Variants in CCDC170 observed in about 807,000 individuals in gnomAD.
CCDC170 encodes coiled-coil domain-containing protein 170.
A neutral mutation model predicts 72.6 loss-of-function variants in CCDC170; 69 were observed. That is an observed-to-expected ratio of 0.95 (90% CI 0.78 to 1.16). The LOEUF (loss-of-function observed/expected upper bound fraction) is 1.16. CCDC170 is among the 50% of genes most tolerant of loss of function. The pLI, the probability that CCDC170 is intolerant of heterozygous loss-of-function variation, is 0.00. For missense variants in CCDC170, 852 were observed against 832.5 expected (o/e 1.02, Z -0.29); for synonymous variants, 300 against 303.9 (o/e 0.99, Z 0.13).
rs998792895 is a variant in CCDC170, at chr6:151,620,785, A to T, written c.*2638A>T. On this transcript the variant is annotated 3_prime_UTR_variant, in exon 11 of 11. Coordinates refer to ENST00000239374, the MANE Select transcript of CCDC170 (RefSeq NM_025059.4). ...TACGCTATTCAAAGATATTTTAAATAATATTTTAAAAACATGAAATTTTTT... is the reference window on the plus strand; with the variant it reads ...TACGCTATTCAAAGATATTTTAAATTATATTTTAAAAACATGAAATTTTTT... The T allele has an allele frequency of 6.8e-6, 1 of 146,278 alleles. No individual in the cohort carries two copies. Among genetic ancestry groups the T allele is most frequent in the African/African-American group, 2.7e-5 (1 of 37,198 alleles). 9.1% of individuals were successfully genotyped at this position (146,278 alleles called of 1,614,324 possible).
chr6:151,510,137 CAAAT>C lies in CCDC170; in HGVS notation c.57+15956_57+15959del, dbSNP rs201063649. Among the ~76,000 whole-genome samples, 1,427 of 152,264 alleles carry C rather than the reference CAAAT, an allele frequency of 9.4e-3. 27 individuals are homozygous for C. The highest frequency in any genetic ancestry group is 0.032 in the African/African-American group (1,343 of 41,572). On this transcript the variant is annotated intron_variant, in intron 1 of 10. Transcript: ENST00000239374. ...CTCAAAAACAAACAAGCCCATAAAA[CAAAT>C]AAACAAACAACAACAACAAAAAAAC... is the stretch of plus-strand genomic sequence containing the variant.
intron 1 of CCDC170, among the ~76,000 whole-genome samples, chr6:151,499,181 G>A (rs959591389): frequency 7.2e-6 from 1 of 139,038 alleles, no homozygotes; most frequent in Non-Finnish European, 1.5e-5. Flanking sequence ...GACTGTATTT[G>A]ACTATTTTAG....
intron 5 of CCDC170, among the ~76,000 whole-genome samples, chr6:151,564,084 G>A (rs562166352): frequency 5.3e-5 from 8 of 152,144 alleles, no homozygotes; most frequent in East Asian, 1.9e-4. Context: ...GCTTTTGCAC[G>A]TTTCTTGTGT....
At chr6:151,541,063 T>C (rs1405313089) in intron 3 of CCDC170, among the ~76,000 whole-genome samples, 1 of 152,166 alleles carries the variant, frequency 6.6e-6, no homozygotes, top group African/African-American at 2.4e-5. Context: ...TCTGGCTTCT[T>C]TGCTGTCCCT....
intron 9 of CCDC170, among the ~76,000 whole-genome samples, chr6:151,613,248 A>C (rs1205042927): frequency 2.0e-5 from 3 of 152,164 alleles, no homozygotes; most frequent in African/African-American, 7.2e-5. Flanking sequence ...TACTAAAAAT[A>C]CAAAAATTAG....
At chr6:151,604,596 A>G (rs1716788982) in intron 9 of CCDC170, among the ~76,000 whole-genome samples, 1 of 152,212 alleles carries the variant, frequency 6.6e-6, no homozygotes, top group South Asian at 2.1e-4. Flanking sequence ...TTTCCAACAC[A>G]AAGAAATGGT....
intron 1 of CCDC170, among the ~76,000 whole-genome samples, chr6:151,511,926 C>A (rs1782155964): frequency 6.6e-6 from 1 of 152,238 alleles, no homozygotes; most frequent in African/African-American, 2.4e-5. Context: ...GAGCTCTTTG[C>A]AGCCTCGATT....
chr6:151,563,078 C>G (rs147440561), intron 5 of CCDC170, among the ~76,000 whole-genome samples: 1 of 152,216 alleles, frequency 6.6e-6, no homozygotes, highest in East Asian at 1.9e-4. Flanking sequence ...TCCCCCAGAC[C>G]AGAGCAGGTA....
chr6:151,525,550 C>T (rs1782391672), intron 1 of CCDC170, among the ~76,000 whole-genome samples: 2 of 152,146 alleles, frequency 1.3e-5, no homozygotes, highest in Non-Finnish European at 1.5e-5. Context: ...AATATTCTCC[C>T]CACCCTTGAG....
At chr6:151,529,823 G>C (rs2115040179) in intron 1 of CCDC170, among the ~76,000 whole-genome samples, 1 of 152,240 alleles carries the variant, frequency 6.6e-6, no homozygotes, top group South Asian at 2.1e-4. Flanking sequence ...TAATTTATGA[G>C]GAAAATAAGT....
At chr6:151,586,538 A>G (rs1386110210) in intron 7 of CCDC170, among the ~76,000 whole-genome samples, 1 of 152,158 alleles carries the variant, frequency 6.6e-6, no homozygotes, top group Non-Finnish European at 1.5e-5. Context: ...TAGTGGAGAC[A>G]GGAGACAGAT....
At chr6:151,501,362 T>C (rs756907837) in intron 1 of CCDC170, among the ~76,000 whole-genome samples, 3 of 152,202 alleles carry the variant, frequency 2.0e-5, no homozygotes, top group Non-Finnish European at 2.9e-5. Flanking sequence ...ATTACTTAGT[T>C]AATAGTGTTG....
At chr6:151,564,541 T>C (rs1352136950) in intron 5 of CCDC170, among the ~76,000 whole-genome samples, 1 of 152,150 alleles carries the variant, frequency 6.6e-6, no homozygotes, top group Non-Finnish European at 1.5e-5. Flanking sequence ...TGGGCTATCA[T>C]AGTAGCAGTT....
chr6:151,551,730 G>C (rs1782881917), intron 5 of CCDC170, among the ~76,000 whole-genome samples: 3 of 152,098 alleles, frequency 2.0e-5, no homozygotes, highest in Non-Finnish European at 4.4e-5. Context: ...ATCGTCCCCT[G>C]GTCAATCCTG....
At chr6:151,548,198 C>T (rs1782807635) in intron 4 of CCDC170, 106 bp from the exon 5 acceptor site, 1 of 970,116 alleles carries the variant, frequency 1.0e-6, no homozygotes, top group Non-Finnish European at 1.4e-6. Context: ...AGGGATAGTG[C>T]TCTTACATTT....
rs560810580 is a variant in CCDC170, at chr6:151,580,967, A to C, written c.1093-4922A>C. On this transcript the variant is annotated intron_variant, in intron 6 of 10. Transcript: ENST00000239374. ...TGCAATAACCCTATATCTAAAAAACAATATAGATACTTTAATTAAAAATAC... is the reference window on the plus strand; with the variant it reads ...TGCAATAACCCTATATCTAAAAAACCATATAGATACTTTAATTAAAAATAC... 1.6e-4 allele frequency among the ~76,000 whole-genome samples: 25 copies of C among 152,346 alleles called. No homozygotes were observed. In the South Asian group the frequency reaches 4.6e-3, roughly 28 times the overall value.
intron 5 of CCDC170, among the ~76,000 whole-genome samples, chr6:151,571,116 T>C (rs1051344811): frequency 2.6e-5 from 4 of 152,184 alleles, no homozygotes; most frequent in Admixed American, 6.5e-5. Flanking sequence ...AAATAGGAAC[T>C]AGTGTTTCAG....
At chr6:151,558,819 A>T (rs1178971476) in intron 5 of CCDC170, among the ~76,000 whole-genome samples, 1 of 152,126 alleles carries the variant, frequency 6.6e-6, no homozygotes, top group Non-Finnish European at 1.5e-5. Flanking sequence ...TTTTGAAGTC[A>T]GTTAGTATGA....
Position 151,573,389 on chromosome 6 carries a change from C to T in CCDC170, c.990C>T (p.Ile330=), listed in dbSNP as rs377676781. The part of the protein sequence containing the change: ...QSQYFSFREK[I]AALLRGRLSM... ...AGTACTTCTCATTTAGGGAGAAAAT[C>T]GCAGCCCTCCTTAGGGGCAGATTGA... The change falls in exon 6 of 11, where the codon ATC becomes ATT. Residue 330 remains isoleucine, a synonymous_variant. Transcript: ENST00000239374. The T allele has an allele frequency of 1.6e-5, 26 of 1,613,996 alleles. No individual in the cohort carries two copies. Among genetic ancestry groups the T allele is most frequent in the African/African-American group, 1.1e-4 (8 of 74,906 alleles).
Sources: gnomAD v4.1 joint callset for allele counts (sites outside exome capture counted in the v4.1 genomes callset) on GRCh38, gnomAD v4.1.1 for gene constraint, MANE v1.5 for transcripts, NCBI Gene and HGNC (gene_info 2026-07-23, HGNC 2026-07-21) for gene names.